The following PARD3 variants were observed in gnomAD, a reference collection of about 807,000 sequenced individuals.
PARD3 encodes the protein partitioning defective 3 homolog.
A neutral mutation model predicts 155.4 loss-of-function variants in PARD3; 75 were observed. That is an observed-to-expected ratio of 0.48 (90% CI 0.40 to 0.58). The LOEUF (loss-of-function observed/expected upper bound fraction) is 0.58. Among genes scored for constraint, PARD3 ranks in the 20% least tolerant of loss-of-function variants. The probability of loss-of-function intolerance (pLI) is 0.00; values close to 1 mark genes in which losing one functional copy is unlikely to be tolerated. For missense variants in PARD3, 1,642 were observed against 1,721.7 expected, an observed-to-expected ratio of 0.95 and a Z score of 0.82; for synonymous variants, 576 against 610.5, an observed-to-expected ratio of 0.94 and a Z score of 0.83.
intron 22 of PARD3, among the ~76,000 whole-genome samples, chr10:34,221,775 G>A (rs1466787565): frequency 1.3e-5 from 2 of 152,152 alleles, no homozygotes; most frequent in African/African-American, 4.8e-5. Flanking sequence ...CAAGGGTGTG[G>A]GGACAATGTC....
chr10:34,231,014 G>C (rs572659099), intron 22 of PARD3, among the ~76,000 whole-genome samples: 1 of 152,010 alleles, frequency 6.6e-6, no homozygotes, highest in East Asian at 1.9e-4. Flanking sequence ...GTGACAGAGC[G>C]AGACCCTGTA....
intron 2 of PARD3, among the ~76,000 whole-genome samples, chr10:34,583,280 A>T (rs1470264042): frequency 1.3e-5 from 2 of 152,214 alleles, no homozygotes; most frequent in African/African-American, 4.8e-5. Flanking sequence ...AAACAACAAA[A>T]CACCAGGAAG....
At position 34,447,480 on chromosome 10, in the gene PARD3, C is replaced by CAAAAAAAAAAAAAAAAAA. The variant is rs745637071; in HGVS notation, c.714+2819_714+2836dup. Among the ~76,000 whole-genome samples, 15 of 37,212 alleles carry CAAAAAAAAAAAAAAAAAA rather than the reference C, an allele frequency of 4.0e-4. 1 individual carries two copies. Among genetic ancestry groups the CAAAAAAAAAAAAAAAAAA allele is most frequent in the East Asian group, 9.0e-4 (1 of 1,106 alleles). The allele number at this position is 37,212 out of a possible 152,430, so 24.4% of individuals were successfully genotyped here. A position where few individuals can be genotyped will look rare whatever the true frequency, so the allele number is the denominator to read the frequency against. Reference sequence around the variant, plus strand: ...TGGGCAACAGAGCAAGACTGCGTCTCAAAAAAAAAAAAAAAAAAAAAAAAA... The same window carrying CAAAAAAAAAAAAAAAAAA: ...TGGGCAACAGAGCAAGACTGCGTCTCAAAAAAAAAAAAAAAAAAAAAAAAAAAAAAAAAAAAAAAAAAA... On this transcript the variant is annotated intron_variant, in intron 5 of 24. Transcript: ENST00000374788.
At chr10:34,141,655 A>G (rs1948195667) in intron 22 of PARD3, among the ~76,000 whole-genome samples, 2 of 152,146 alleles carry the variant, frequency 1.3e-5, no homozygotes, top group African/African-American at 4.8e-5. Context: ...CCCTCGCCCT[A>G]TTTTATTACT....
chr10:34,740,876 A>G (rs2094997429), intron 1 of PARD3, among the ~76,000 whole-genome samples: 2 of 152,210 alleles, frequency 1.3e-5, no homozygotes, highest in Non-Finnish European at 1.5e-5. Flanking sequence ...AAGCTTGACT[A>G]AAGTCTACTT....
At chr10:34,120,081 A>G (rs888110108) in intron 23 of PARD3, among the ~76,000 whole-genome samples, 4 of 142,116 alleles carry the variant, frequency 2.8e-5, no homozygotes, top group African/African-American at 1.1e-4. Context: ...CAGTAGTGCA[A>G]TCATGGCTCA....
chr10:34,197,593 G>A (rs543783870), intron 22 of PARD3, among the ~76,000 whole-genome samples: 1 of 152,316 alleles, frequency 6.6e-6, no homozygotes, highest in South Asian at 2.1e-4. Flanking sequence ...TAGACTAGGT[G>A]TATGCTGCGT....
chr10:34,221,343 G>A (rs1308152720), intron 22 of PARD3, among the ~76,000 whole-genome samples: 1 of 150,826 alleles, frequency 6.6e-6, no homozygotes. Flanking sequence ...CAGAGGTGCT[G>A]AGAGCCTCAG....
At chr10:34,624,067 G>A (rs531401349) in intron 2 of PARD3, among the ~76,000 whole-genome samples, 20 of 151,916 alleles carry the variant, frequency 1.3e-4, no homozygotes, top group African/African-American at 4.6e-4. Flanking sequence ...GGAACAACAC[G>A]TGATTGTGTG....
At chr10:34,543,879 T>C (rs1160735010) in intron 2 of PARD3, among the ~76,000 whole-genome samples, 4 of 152,206 alleles carry the variant, frequency 2.6e-5, no homozygotes, top group African/African-American at 7.2e-5. Flanking sequence ...TGTAATAGCT[T>C]TGTGGAAAGA....
intron 2 of PARD3, among the ~76,000 whole-genome samples, chr10:34,564,904 A>G (rs1287661293): frequency 1.3e-5 from 2 of 152,320 alleles, no homozygotes; most frequent in Non-Finnish European, 1.5e-5. Flanking sequence ...TTTAATTCTT[A>G]TAACAACTTT....
chr10:34,498,497 G>C (rs1204321277), intron 3 of PARD3, among the ~76,000 whole-genome samples: 2 of 152,076 alleles, frequency 1.3e-5, no homozygotes, highest in African/African-American at 4.8e-5. Context: ...ACTATCCCCT[G>C]GGCACAGTGT....
At chr10:34,418,553 A>C (rs1845890187) in intron 5 of PARD3, among the ~76,000 whole-genome samples, 2 of 152,240 alleles carry the variant, frequency 1.3e-5, no homozygotes, top group Admixed American at 1.3e-4. Flanking sequence ...TTAATCTTTT[A>C]TCTCACAAAC....
intron 3 of PARD3, among the ~76,000 whole-genome samples, chr10:34,485,990 C>T (rs1460205539): frequency 7.3e-6 from 1 of 136,474 alleles, no homozygotes; most frequent in Non-Finnish European, 1.5e-5. Flanking sequence ...GTGTCACGAT[C>T]GTAGATCACT....
At chr10:34,499,120 A>G (rs2080493189) in intron 3 of PARD3, among the ~76,000 whole-genome samples, 1 of 152,092 alleles carries the variant, frequency 6.6e-6, no homozygotes, top group African/African-American at 2.4e-5. Context: ...TTAGCTCAAG[A>G]TTTTTTTCTC....
At chr10:34,594,501 A>G (rs1032558720) in intron 2 of PARD3, among the ~76,000 whole-genome samples, 2 of 151,866 alleles carry the variant, frequency 1.3e-5, no homozygotes, top group African/African-American at 2.4e-5. Context: ...TCACCTGGCT[A>G]TGCAAGAGAC....
intron 5 of PARD3, among the ~76,000 whole-genome samples, chr10:34,439,627 T>A (rs368355370): frequency 6.0e-4 from 92 of 152,188 alleles, no homozygotes; most frequent in African/African-American, 2.2e-3. Context: ...CAGCTAATTT[T>A]TTTATTTTTA....
At chr10:34,742,940 C>T (rs1476396039) in intron 1 of PARD3, among the ~76,000 whole-genome samples, 7 of 152,160 alleles carry the variant, frequency 4.6e-5, no homozygotes, top group African/African-American at 1.4e-4. Context: ...CGGAGTCACA[C>T]GGTCTTGGGT....
At chr10:34,701,418 T>A (rs905941376) in intron 1 of PARD3, among the ~76,000 whole-genome samples, 2 of 150,974 alleles carry the variant, frequency 1.3e-5, no homozygotes, top group African/African-American at 4.9e-5. Context: ...CAGAGGGAAA[T>A]GAGGGAAACA....
Sources: allele counts gnomAD v4.1 joint callset (sites outside exome capture counted in the v4.1 genomes callset), GRCh38; gene constraint gnomAD v4.1.1; transcripts MANE v1.5; gene names NCBI Gene and HGNC (gene_info 2026-07-23, HGNC 2026-07-21).